ANGEL1: variants seen among roughly 807,000 people sequenced by gnomAD.
ANGEL1 encodes angel homolog 1.
A neutral mutation model predicts 76.4 loss-of-function variants in ANGEL1; 62 were observed. That is an observed-to-expected ratio of 0.81 (90% CI 0.66 to 1.00). ANGEL1 has a LOEUF of 1.00. ANGEL1 is among the 50% of genes least tolerant of loss of function. ANGEL1 has a pLI of 0.00. For missense variants in ANGEL1, 737 were observed against 836.7 expected (o/e 0.88, Z 1.47); for synonymous variants, 340 against 331.7 (o/e 1.03, Z -0.27).
chr14:76,802,080 G>A (rs1894782816), intron 7 of ANGEL1, among the ~76,000 whole-genome samples: 1 of 152,128 alleles, frequency 6.6e-6, no homozygotes. Flanking sequence ...GCTGAGGCAA[G>A]AGAATTGCTT....
rs1382404546 is a variant in ANGEL1, at chr14:76,809,447, G to A, written c.261C>T (p.Ala87=). Residue 87 remains alanine, a synonymous_variant, in exon 2 of 10, where the codon GCC becomes GCT. Coordinates refer to ENST00000251089, the MANE Select transcript of ANGEL1 (RefSeq NM_015305.4). ...CCATCAGAAGTGCCAGGCTGCTCTG[G>A]GCTAGTCCTTTATCTATAAGGGGCC... ...SEGPLIDKGL[A]QSSLALLMDN... is the part of the protein sequence containing the mutation. 6.2e-7 allele frequency: 1 copy of A among 1,614,008 alleles called. No homozygotes were observed. Among genetic ancestry groups the A allele is most frequent in the Non-Finnish European group, 8.5e-7 (1 of 1,180,026 alleles).
At position 76,791,384 on chromosome 14, in the gene ANGEL1, GA is replaced by G; in HGVS notation, c.1619-19del. On this transcript the variant is annotated intron_variant, in intron 7 of 9. Coordinates refer to ENST00000251089, the MANE Select transcript of ANGEL1 (RefSeq NM_015305.4). ...AGGTCGCTCTGCAGAGGACCAGAGA[GA>G]AAAACATTTTCTCATCCACAGACAG... 1 of 1,612,154 alleles carries G rather than the reference GA, an allele frequency of 6.2e-7. No individual in the cohort carries two copies. The highest frequency in any genetic ancestry group is 8.5e-7 in the Non-Finnish European group (1 of 1,179,006).
intron 7 of ANGEL1, among the ~76,000 whole-genome samples, chr14:76,800,627 T>G (rs145400760): frequency 7.0e-4 from 107 of 152,336 alleles, no homozygotes; most frequent in African/African-American, 2.4e-3. Context: ...ATATATCCTT[T>G]CCTAGAAACC....
At position 76,803,855 on chromosome 14, in the gene ANGEL1, G is replaced by C; in HGVS notation, c.1438C>G (p.Leu480Val). The C allele has an allele frequency of 6.2e-7, 1 of 1,614,220 alleles. No individual in the cohort carries two copies. The highest frequency in any genetic ancestry group is 1.1e-5 in the South Asian group (1 of 91,088). The stretch of plus-strand genomic sequence containing the variant: ...GTGATGCCCAGGGAGCTGGGCCACA[G>C]TGGGGCCTGCAGCTTCCTCTGGTAA... The part of the protein sequence containing the change: ...QLYQRKLQAP[L>V]WPSSLGITDC... Residue 480 changes from leucine to valine, a missense_variant, in exon 6 of 10, where the codon CTG becomes GTG. Physicochemically the swap from Leu to Val is conservative, Grantham distance 32 (BLOSUM62 1). Coordinates refer to ENST00000251089, the MANE Select transcript of ANGEL1 (RefSeq NM_015305.4).
Position 76,791,342 on chromosome 14 carries a change from G to C in ANGEL1, c.1643C>G (p.Ser548Cys). ...KPERPAGWAE[S>C]VLEEDASELE... ...CTCCGATGCATCTTCCTCAAGGACA[G>C]ACTCAGCCCAACCCGCAGGTCGCTC... Residue 548 changes from serine (S) to cysteine (C), a missense_variant, in exon 8 of 10, where the codon TCT becomes TGT. Physicochemically the swap from Ser to Cys is moderately radical, Grantham distance 112 (BLOSUM62 -1). Transcript: ENST00000251089. 1.9e-6 allele frequency: 3 copies of C among 1,614,060 alleles called. No individual in the cohort carries two copies. Among genetic ancestry groups the C allele is most frequent in the Non-Finnish European group, 2.5e-6 (3 of 1,179,982 alleles).
At chr14:76,807,000 T>TC in intron 4 of ANGEL1, 151 bp from the exon 5 acceptor site, 1 of 891,100 alleles carries the variant, frequency 1.1e-6, no homozygotes, top group Non-Finnish European at 1.7e-6. Context: ...TTCAGCAGGT[T>TC]CCCCCTTACA....
intron 7 of ANGEL1, among the ~76,000 whole-genome samples, chr14:76,792,353 A>G (rs889653874): frequency 6.6e-6 from 1 of 152,170 alleles, no homozygotes; most frequent in Non-Finnish European, 1.5e-5. Context: ...CAAATCCTTC[A>G]CAAACACTTC....
chr14:76,808,042 G>A lies in ANGEL1; in HGVS notation c.756C>T (p.Ile252=). ...TCTGCTGCATCAGGTCCTGAGCCAG[G>A]ATGTTATAAGACATCAGAGTGAACT... is the stretch of plus-strand genomic sequence containing the variant. ...QFQFTLMSYN[I]LAQDLMQQSS... Residue 252 remains isoleucine, a synonymous_variant, in exon 3 of 10, where the codon ATC becomes ATT. Transcript: ENST00000251089. The A allele has an allele frequency of 6.2e-7, 1 of 1,614,190 alleles. No individual in the cohort carries two copies. The highest frequency in any genetic ancestry group is 1.3e-5 in the African/African-American group (1 of 75,054).
intron 7 of ANGEL1, among the ~76,000 whole-genome samples, chr14:76,801,636 GTTTTT>G (rs550332484): frequency 6.6e-6 from 1 of 151,582 alleles, no homozygotes. Flanking sequence ...ACTTCTCACT[GTTTTT>G]TTTATTTGTT....
rs771319492 is a variant in ANGEL1, at chr14:76,788,021, A to T, written c.*1207T>A. 6.6e-6 allele frequency: 1 copy of T among 152,304 alleles called. No homozygotes were observed. The highest frequency in any genetic ancestry group is 1.5e-5 in the Non-Finnish European group (1 of 68,064). 9.4% of individuals were successfully genotyped at this position (152,304 alleles called of 1,614,324 possible). A position where few individuals can be genotyped will look rare whatever the true frequency, so the allele number is the denominator to read the frequency against. ...TACTGCCACTTCAAATTCTTGGACC[A>T]GTTTTGTCCAAGGCCACCTTTCTGC... On this transcript the variant is annotated 3_prime_UTR_variant, in exon 10 of 10. Transcript: ENST00000251089.
intron 7 of ANGEL1, among the ~76,000 whole-genome samples, chr14:76,802,087 G>A (rs903959091): frequency 9.9e-5 from 15 of 152,046 alleles, no homozygotes; most frequent in African/African-American, 3.1e-4. Context: ...CAAGAGAATT[G>A]CTTGAACCCA....
intron 5 of ANGEL1, chr14:76,804,114 A>G: frequency 6.9e-7 from 1 of 1,449,654 alleles, no homozygotes; most frequent in East Asian, 2.5e-5. Context: ...CAACACTGAA[A>G]TGTCCATGAA....
Position 76,788,987 on chromosome 14 carries a change from T to C in ANGEL1, c.*241A>G. The C allele has an allele frequency of 2.1e-6, 1 of 480,412 alleles. No homozygotes were observed. Among genetic ancestry groups the C allele is most frequent in the Non-Finnish European group, 3.7e-6 (1 of 272,802 alleles). The allele number at this position is 480,412 out of a possible 1,614,324, so 29.8% of individuals were successfully genotyped here. A position where few individuals can be genotyped will look rare whatever the true frequency, so the allele number is the denominator to read the frequency against. ...GAAGGGGGAGCCCCCCTTCTGCCTC[T>C]CCCAGGGCCACTGAGTGTGTGGCAC... On this transcript the variant is annotated 3_prime_UTR_variant, in exon 10 of 10. Coordinates refer to ENST00000251089, the MANE Select transcript of ANGEL1 (RefSeq NM_015305.4).
At chr14:76,794,198 AT>A (rs1009504674) in intron 7 of ANGEL1, among the ~76,000 whole-genome samples, 3 of 152,214 alleles carry the variant, frequency 2.0e-5, no homozygotes, top group African/African-American at 7.2e-5. Flanking sequence ...ATGTTCTAAA[AT>A]TAGATCATGG....
intron 7 of ANGEL1, among the ~76,000 whole-genome samples, chr14:76,798,223 C>G (rs913221631): frequency 4.0e-5 from 6 of 151,842 alleles, no homozygotes; most frequent in Admixed American, 3.3e-4. Context: ...CTTCTGGGCT[C>G]AAGTGATCCT....
In ANGEL1 at chr14:76,796,177, CCA is replaced by C. The variant is rs1212224492; in HGVS notation, c.1619-4813_1619-4812del. ...TCATTATTGTTATTTTCTAGATATT[CCA>C]CAATTTCCGTTTAAATTTTCCTCTT... On this transcript the variant is annotated intron_variant, in intron 7 of 9. Transcript: ENST00000251089. Among the ~76,000 whole-genome samples the C allele has an allele frequency of 3.3e-5, 5 of 151,978 alleles. No homozygotes were observed. The South Asian group carries it at 6.2e-4, about 19-fold the overall frequency.
At chr14:76,799,646 C>T (rs1256119154) in intron 7 of ANGEL1, among the ~76,000 whole-genome samples, 1 of 152,088 alleles carries the variant, frequency 6.6e-6, no homozygotes, top group Non-Finnish European at 1.5e-5. Context: ...TGGCTCACTC[C>T]TGTAATTCTA....
chr14:76,809,049 T>C lies in ANGEL1; in HGVS notation c.649+10A>G, dbSNP rs1895005390. The stretch of plus-strand genomic sequence containing the variant: ...TTCCCTTGGCTCACTCAACCAGTTG[T>C]CAGACTCACCATGATATGGTATTTC... On this transcript the variant is annotated intron_variant, in intron 2 of 9. Transcript: ENST00000251089. 6.3e-7 allele frequency: 1 copy of C among 1,598,374 alleles called. No homozygotes were observed. Among genetic ancestry groups the C allele is most frequent in the South Asian group, 1.1e-5 (1 of 89,146 alleles).
chr14:76,799,982 T>C (rs1047693153), intron 7 of ANGEL1, among the ~76,000 whole-genome samples: 2 of 151,330 alleles, frequency 1.3e-5, no homozygotes, highest in Non-Finnish European at 2.9e-5. Context: ...ATTGAACAAA[T>C]AGAAGGGTAC....
Sources: gnomAD v4.1 joint callset for allele counts (sites outside exome capture counted in the v4.1 genomes callset) on GRCh38, gnomAD v4.1.1 for gene constraint, MANE v1.5 for transcripts, NCBI Gene and HGNC (gene_info 2026-07-23, HGNC 2026-07-21) for gene names.